Variants in EXOC4 observed in about 807,000 individuals in gnomAD.
EXOC4 encodes SEC8-like 1.
A neutral mutation model predicts 107.2 loss-of-function variants in EXOC4; 71 were observed. The observed-to-expected ratio is 0.66, with a 90% CI of 0.55 to 0.81. The LOEUF is 0.81. EXOC4 is among the 30% of genes least tolerant of loss of function. EXOC4 has a pLI of 0.00. For synonymous variants in EXOC4, 456 were observed against 441.2 expected (o/e 1.03, Z -0.42); for missense variants, 1,108 against 1,189.6 (o/e 0.93, Z 1.01).
chr7:133,911,435 A>C (rs1221301841), intron 12 of EXOC4, among the ~76,000 whole-genome samples: 2 of 152,178 alleles, frequency 1.3e-5, no homozygotes, highest in Non-Finnish European at 2.9e-5. Flanking sequence ...AATATTTGGA[A>C]TTACTTTTGG....
chr7:133,745,201 C>T (rs1196745199), intron 10 of EXOC4, among the ~76,000 whole-genome samples: 5 of 151,804 alleles, frequency 3.3e-5, no homozygotes, highest in African/African-American at 1.2e-4. Flanking sequence ...TGATTTTCAC[C>T]CTATAGAAAG....
At chr7:133,607,109 AG>A (rs1801967568) in intron 9 of EXOC4, among the ~76,000 whole-genome samples, 1 of 152,338 alleles carries the variant, frequency 6.6e-6, no homozygotes, top group African/African-American at 2.4e-5. Flanking sequence ...TACAATAGTG[AG>A]GATATGTTTC....
intron 9 of EXOC4, among the ~76,000 whole-genome samples, chr7:133,585,393 T>G (rs1239496315): frequency 1.3e-5 from 2 of 152,198 alleles, no homozygotes. Context: ...ATTCATGTAT[T>G]TATTCATTTA....
chr7:133,307,738 G>T (rs944688872), intron 4 of EXOC4, among the ~76,000 whole-genome samples: 2 of 152,122 alleles, frequency 1.3e-5, no homozygotes, highest in Non-Finnish European at 2.9e-5. Context: ...ACACAAGCAG[G>T]GGCTTCAAAC....
At chr7:133,724,998 C>T (rs1398839509) in intron 10 of EXOC4, among the ~76,000 whole-genome samples, 1 of 152,214 alleles carries the variant, frequency 6.6e-6, no homozygotes, top group East Asian at 1.9e-4. Context: ...GAAGGTTTAG[C>T]GAAGTACAGG....
the EXOC4 span, among the ~76,000 whole-genome samples, chr7:134,092,922 C>CAAAAAAAAAAAAAAAAA: frequency 1.2e-5 from 1 of 80,482 alleles, no homozygotes; most frequent in African/African-American, 4.6e-5. Context: ...GACTCCATCT[C>CAAAAAAAAAAAAAAAAA]AAAAAAAAAA....
downstream of EXOC4, among the ~76,000 whole-genome samples, chr7:134,067,511 T>TC (rs1796198606): frequency 6.6e-6 from 1 of 152,062 alleles, no homozygotes; most frequent in Non-Finnish European, 1.5e-5. Flanking sequence ...AATATTACTT[T>TC]CCTCTCTTCC....
At chr7:133,412,624 C>A (rs890733078) in intron 7 of EXOC4, among the ~76,000 whole-genome samples, 4 of 151,734 alleles carry the variant, frequency 2.6e-5, no homozygotes, top group Non-Finnish European at 4.4e-5. Context: ...CTAGTTGAGT[C>A]CAGCCTGGGC....
At chr7:133,769,122 T>G (rs1171894787) in intron 10 of EXOC4, among the ~76,000 whole-genome samples, 1 of 152,010 alleles carries the variant, frequency 6.6e-6, no homozygotes, top group East Asian at 1.9e-4. Flanking sequence ...GAATTGCACG[T>G]GCAAATGCAG....
intron 10 of EXOC4, among the ~76,000 whole-genome samples, chr7:133,734,031 C>T (rs1795386458): frequency 6.6e-6 from 1 of 152,212 alleles, no homozygotes; most frequent in Admixed American, 6.5e-5. Flanking sequence ...CCATAATTGA[C>T]ATTCTGTCAC....
intron 17 of EXOC4, among the ~76,000 whole-genome samples, chr7:134,063,056 T>C (rs1796102905): frequency 6.6e-6 from 1 of 152,164 alleles, no homozygotes; most frequent in African/African-American, 2.4e-5. Context: ...GCACCTCTGC[T>C]CTCTGGAAGA....
intron 9 of EXOC4, among the ~76,000 whole-genome samples, chr7:133,609,411 A>G (rs189110459): frequency 1.4e-3 from 214 of 152,312 alleles, no homozygotes; most frequent in African/African-American, 5.0e-3. Flanking sequence ...TTGTGACTGC[A>G]GTGAGTTGGA....
At chr7:133,907,494 G>T (rs1799593291) in intron 12 of EXOC4, among the ~76,000 whole-genome samples, 1 of 152,120 alleles carries the variant, frequency 6.6e-6, no homozygotes, top group Non-Finnish European at 1.5e-5. Flanking sequence ...GGCAAGTTTA[G>T]TTTAAAAATA....
At chr7:133,744,958 A>C (rs758797229) in intron 10 of EXOC4, among the ~76,000 whole-genome samples, 9 of 152,170 alleles carry the variant, frequency 5.9e-5, no homozygotes, top group Non-Finnish European at 8.8e-5. Flanking sequence ...AGTACATAAT[A>C]AGCATTTGTG....
At chr7:133,559,826 T>C (rs1800773491) in intron 9 of EXOC4, among the ~76,000 whole-genome samples, 1 of 152,220 alleles carries the variant, frequency 6.6e-6, no homozygotes, top group African/African-American at 2.4e-5. Flanking sequence ...TACTCAGAAA[T>C]CACTTTTTTG....
At chr7:134,015,047 A>G (rs941160517) in intron 17 of EXOC4, among the ~76,000 whole-genome samples, 10 of 152,184 alleles carry the variant, frequency 6.6e-5, no homozygotes, top group East Asian at 1.9e-4. Context: ...TGGAAGAGAA[A>G]GGGTAGTTCC....
At chr7:133,533,725 G>C (rs1486369354) in intron 9 of EXOC4, among the ~76,000 whole-genome samples, 1 of 152,058 alleles carries the variant, frequency 6.6e-6, no homozygotes, top group African/African-American at 2.4e-5. Flanking sequence ...CTGTTTATTT[G>C]TTTTATAATT....
intron 9 of EXOC4, among the ~76,000 whole-genome samples, chr7:133,621,382 A>T (rs945500265): frequency 6.6e-6 from 1 of 152,218 alleles, no homozygotes; most frequent in East Asian, 1.9e-4. Flanking sequence ...TACAAAAAAA[A>T]ATATGATTTT....
intron 7 of EXOC4, among the ~76,000 whole-genome samples, chr7:133,413,916 C>A (rs1241881365): frequency 6.6e-6 from 1 of 152,038 alleles, no homozygotes; most frequent in Non-Finnish European, 1.5e-5. Flanking sequence ...ACTTTCATGA[C>A]AGTGTAACAG....
Sources: gnomAD v4.1 joint callset for allele counts (sites outside exome capture counted in the v4.1 genomes callset) on GRCh38, gnomAD v4.1.1 for gene constraint, MANE v1.5 for transcripts, NCBI Gene and HGNC (gene_info 2026-07-23, HGNC 2026-07-21) for gene names.